Variants in NPFFR2 observed in about 807,000 individuals in gnomAD.
NPFFR2 encodes the protein G-protein coupled receptor 74.
NPFFR2 carries 15 observed loss-of-function variants against 13.1 expected under a neutral mutation model. That is an observed-to-expected ratio of 1.15 (90% confidence interval 0.77 to 1.76). The LOEUF (loss-of-function observed/expected upper bound fraction) is 1.76. NPFFR2 is among the 40% of genes most tolerant of loss of function. The pLI is 0.00. For synonymous variants in NPFFR2, 190 were observed against 175.7 expected, an observed-to-expected ratio of 1.08 and a Z score of -0.65; for missense variants, 572 against 503.5, an observed-to-expected ratio of 1.14 and a Z score of -1.30.
At chr4:72,137,969 C>T in intron 2 of NPFFR2, 71 bp from the exon 3 acceptor site, 2 of 1,210,832 alleles carry the variant, frequency 1.7e-6, no homozygotes, top group Non-Finnish European at 2.4e-6. Context: ...GTTTCCACAA[C>T]TTTCTATTTT....
intron 1 of NPFFR2, among the ~76,000 whole-genome samples, chr4:72,067,374 T>C (rs976606379): frequency 1.3e-5 from 2 of 152,162 alleles, no homozygotes; most frequent in African/African-American, 4.8e-5. Flanking sequence ...GCTTTTCTGT[T>C]CTCAAGGCCT....
intron 2 of NPFFR2, among the ~76,000 whole-genome samples, chr4:72,136,290 C>T (rs764819675): frequency 1.8e-4 from 27 of 151,986 alleles, no homozygotes; most frequent in Admixed American, 4.6e-4. Flanking sequence ...CCTGGGGACA[C>T]AGTGGTGGTA....
intron 2 of NPFFR2, among the ~76,000 whole-genome samples, chr4:72,133,538 G>A (rs1722316825): frequency 6.6e-6 from 1 of 152,082 alleles, no homozygotes; most frequent in East Asian, 1.9e-4. Flanking sequence ...TTCTAGTTCT[G>A]TAAAGAATGT....
At chr4:72,072,624 G>T (rs957851121) in intron 1 of NPFFR2, among the ~76,000 whole-genome samples, 1 of 152,126 alleles carries the variant, frequency 6.6e-6, no homozygotes, top group Non-Finnish European at 1.5e-5. Context: ...CAGGGGGGAA[G>T]AGAAGGAGGA....
chr4:72,077,559 A>G (rs953202107), intron 1 of NPFFR2, among the ~76,000 whole-genome samples: 23 of 152,142 alleles, frequency 1.5e-4, no homozygotes, highest in Non-Finnish European at 8.8e-5. Context: ...CCTCTTTTAC[A>G]AACAGGTTGA....
chr4:72,069,429 T>A (rs1036144728), intron 1 of NPFFR2, among the ~76,000 whole-genome samples: 2 of 152,162 alleles, frequency 1.3e-5, no homozygotes, highest in East Asian at 1.9e-4. Flanking sequence ...AATATAAATT[T>A]AAAAAACTTT....
At chr4:72,128,991 G>A in intron 2 of NPFFR2, 72 bp downstream of exon 2, 1 of 1,168,708 alleles carries the variant, frequency 8.6e-7, no homozygotes, top group South Asian at 1.5e-5. Flanking sequence ...CATTGGCAGG[G>A]CTGTTCATTC....
intron 2 of NPFFR2, among the ~76,000 whole-genome samples, chr4:72,135,721 T>C (rs1161335488): frequency 6.6e-6 from 1 of 152,020 alleles, no homozygotes; most frequent in Non-Finnish European, 1.5e-5. Flanking sequence ...CTATAAGTAT[T>C]TTTCTTCCTA....
chr4:72,128,228 A>G (rs1429639542), intron 1 of NPFFR2, among the ~76,000 whole-genome samples: 3 of 147,936 alleles, frequency 2.0e-5, no homozygotes, highest in Admixed American at 1.4e-4. Flanking sequence ...TTAAATTAAT[A>G]AGTGAGTCTT....
chr4:72,038,529 T>C (rs377056790), intron 1 of NPFFR2, among the ~76,000 whole-genome samples: 5 of 151,024 alleles, frequency 3.3e-5, no homozygotes, highest in Non-Finnish European at 7.4e-5. Context: ...TCCTGTTTTT[T>C]AATTCCTTTC....
At chr4:72,059,542 T>G (rs1395017017) in intron 1 of NPFFR2, among the ~76,000 whole-genome samples, 2 of 152,056 alleles carry the variant, frequency 1.3e-5, no homozygotes, top group Non-Finnish European at 2.9e-5. Context: ...TCTGTGTCTT[T>G]GAAGTCTTTG....
At chr4:72,042,785 C>T (rs1719260316) in intron 1 of NPFFR2, among the ~76,000 whole-genome samples, 1 of 152,040 alleles carries the variant, frequency 6.6e-6, no homozygotes, top group African/African-American at 2.4e-5. Flanking sequence ...GAAAGCAGAG[C>T]ATAAAAGTTT....
At chr4:72,035,979 G>A (rs28696242) in intron 1 of NPFFR2, among the ~76,000 whole-genome samples, 40,295 of 151,762 alleles carry the variant, frequency 0.27, 5,637 homozygotes, top group Middle Eastern at 0.37. Context: ...AACTCTGGAG[G>A]GTTTACCAAA....
In NPFFR2 at chr4:72,082,687, G is replaced by A. The variant is rs183054149; in HGVS notation, c.-7-45898G>A. On this transcript the variant is annotated intron_variant, in intron 1 of 3. Transcript: ENST00000308744. Reference sequence around the variant, plus strand: ...AGAACATTTAGAATCTACTATCTTAGCATTCTTAAGTATACGCTACATTAT... The same window carrying A: ...AGAACATTTAGAATCTACTATCTTAACATTCTTAAGTATACGCTACATTAT... Among the ~76,000 whole-genome samples, 352 of 152,028 alleles carry A rather than the reference G, an allele frequency of 2.3e-3. 4 individuals carry two copies. Among genetic ancestry groups the A allele is most frequent in the African/African-American group, 8.0e-3 (332 of 41,442 alleles).
At chr4:72,139,315 A>G (rs111466242) in intron 3 of NPFFR2, among the ~76,000 whole-genome samples, 5,213 of 152,150 alleles carry the variant, frequency 0.034, 292 homozygotes, top group African/African-American at 0.12. Context: ...TTGTTGTTTT[A>G]GTCATGAAGT....
chr4:72,138,433 C>T (rs1201394315), intron 3 of NPFFR2, among the ~76,000 whole-genome samples: 6 of 150,584 alleles, frequency 4.0e-5, no homozygotes, highest in Non-Finnish European at 7.4e-5. Context: ...CAATGCAGGC[C>T]CCAGTGTGTG....
At chr4:72,141,227 T>C (rs1206699917) in intron 3 of NPFFR2, among the ~76,000 whole-genome samples, 1 of 152,144 alleles carries the variant, frequency 6.6e-6, no homozygotes, top group Non-Finnish European at 1.5e-5. Context: ...GATTCATTAA[T>C]TTTTTTAAGG....
chr4:72,100,241 A>C (rs1370050565), intron 1 of NPFFR2, among the ~76,000 whole-genome samples: 7 of 152,118 alleles, frequency 4.6e-5, no homozygotes, highest in African/African-American at 1.7e-4. Flanking sequence ...GAAATGGCTT[A>C]CTACTGGCTA....
chr4:72,125,892 T>C (rs557187069), intron 1 of NPFFR2, among the ~76,000 whole-genome samples: 1 of 152,224 alleles, frequency 6.6e-6, no homozygotes, highest in Non-Finnish European at 1.5e-5. Flanking sequence ...GTTCTGGAGA[T>C]TTGGACAGAG....
Sources: gnomAD v4.1 joint callset for allele counts (sites outside exome capture counted in the v4.1 genomes callset) on GRCh38, gnomAD v4.1.1 for gene constraint, MANE v1.5 for transcripts, NCBI Gene and HGNC (gene_info 2026-07-23, HGNC 2026-07-21) for gene names.